Variants in GOLM1 observed in about 807,000 individuals in gnomAD.
GOLM1 encodes golgi membrane protein 1, also known as epididymis luminal protein 46.
GOLM1 carries 31 observed loss-of-function variants against 50.5 expected under a neutral mutation model. The ratio of observed to expected loss-of-function variants is 0.61; its 90% CI spans 0.46 to 0.83. The LOEUF (loss-of-function observed/expected upper bound fraction) is 0.83. Ranked by LOEUF, GOLM1 falls within the 40% of genes least tolerant of loss-of-function variation. The probability of loss-of-function intolerance (pLI) is 0.00; values close to 1 mark genes in which losing one functional copy is unlikely to be tolerated. For missense variants in GOLM1, 491 were observed against 501.3 expected (o/e 0.98, Z 0.20); for synonymous variants, 178 against 192.8 (o/e 0.92, Z 0.64).
intron 3 of GOLM1, among the ~76,000 whole-genome samples, chr9:86,057,866 A>C (rs1361910899): frequency 2.0e-5 from 3 of 152,212 alleles, no homozygotes; most frequent in African/African-American, 7.2e-5. Flanking sequence ...TCCCCTCCAG[A>C]AGGTGACTTA....
At chr9:86,030,687 C>T (rs540062492) in intron 9 of GOLM1, among the ~76,000 whole-genome samples, 2 of 152,296 alleles carry the variant, frequency 1.3e-5, no homozygotes, top group South Asian at 2.1e-4. Context: ...TGGACACTCA[C>T]TAAATTTCAA....
chr9:86,052,722 C>A, intron 3 of GOLM1, 131 bp from the exon 4 acceptor site: 1 of 705,776 alleles, frequency 1.4e-6, no homozygotes, highest in Non-Finnish European at 2.5e-6. Flanking sequence ...TCGCACTCAG[C>A]GCTCAGGCTG....
At chr9:86,028,717 C>T (rs72746681) in intron 9 of GOLM1, among the ~76,000 whole-genome samples, 1,756 of 152,232 alleles carry the variant, frequency 0.012, 13 homozygotes, top group Non-Finnish European at 0.016. Flanking sequence ...GATGCTGCCG[C>T]GGGGTTGAAA....
At chr9:86,100,131 C>T (rs568413053), upstream of GOLM1, 6 of 152,340 alleles carry the variant, frequency 3.9e-5, no homozygotes, top group South Asian at 1.2e-3. Context: ...CCACTGCTAG[C>T]AACGGAAAAA....
chr9:86,098,877 CA>C (rs1835436622), intron 1 of GOLM1, among the ~76,000 whole-genome samples: 1 of 152,142 alleles, frequency 6.6e-6, no homozygotes, highest in South Asian at 2.1e-4. Flanking sequence ...GCTCCGGGGT[CA>C]CCAGCCACGA....
chr9:86,035,660 A>G (rs766780062), intron 7 of GOLM1, 35 bp from the exon 8 acceptor site: 1 of 1,252,960 alleles, frequency 8.0e-7, no homozygotes, highest in East Asian at 2.4e-5. Flanking sequence ...TGACCTTGCC[A>G]GCATTTGATT....
chr9:86,073,698 C>T (rs924877736), intron 3 of GOLM1, among the ~76,000 whole-genome samples: 9 of 152,180 alleles, frequency 5.9e-5, no homozygotes, highest in Non-Finnish European at 1.2e-4. Context: ...ACTCAGAGGC[C>T]CAAACAAGGT....
chr9:86,085,601 G>C (rs1834934246), intron 1 of GOLM1, among the ~76,000 whole-genome samples: 2 of 151,842 alleles, frequency 1.3e-5, no homozygotes, highest in South Asian at 4.2e-4. Context: ...CCTACATTTA[G>C]TTACTTCTCC....
chr9:86,039,983 AAGTC>A (rs1400799579), intron 6 of GOLM1, among the ~76,000 whole-genome samples: 19 of 151,948 alleles, frequency 1.3e-4, no homozygotes, highest in Non-Finnish European at 2.4e-4. Context: ...AAAAAAAAAA[AAGTC>A]AGACACAAAA....
chr9:86,045,953 C>A (rs1833525431), intron 5 of GOLM1, among the ~76,000 whole-genome samples: 2 of 152,126 alleles, frequency 1.3e-5, no homozygotes, highest in Admixed American at 1.3e-4. Flanking sequence ...TGCAAACTGG[C>A]TTTTACTATC....
chr9:86,027,567 A>T lies in GOLM1; in HGVS notation c.*250T>A, dbSNP rs1297689143. 3.1e-6 allele frequency: 4 copies of T among 1,271,064 alleles called. No individual in the cohort carries two copies. The East Asian group carries it at 1.4e-4, about 44-fold the overall frequency. 78.7% of individuals were successfully genotyped at this position (1,271,064 alleles called of 1,614,324 possible). A position where few individuals can be genotyped will look rare whatever the true frequency, so the allele number is the denominator to read the frequency against. On this transcript the variant is annotated 3_prime_UTR_variant, in exon 10 of 10. Coordinates refer to ENST00000388712, the MANE Select transcript of GOLM1 (RefSeq NM_016548.4). ...GAACTATGTTCCAGTTTTGGTGTTG[A>T]ACTTCTCACGAAATACCTACTACCA... is the stretch of plus-strand genomic sequence containing the variant.
At chr9:86,053,605 CAT>C (rs1833872287) in intron 3 of GOLM1, among the ~76,000 whole-genome samples, 5 of 28,786 alleles carry the variant, frequency 1.7e-4, no homozygotes, top group African/African-American at 3.8e-4. Flanking sequence ...TCCACACACA[CAT>C]CACACACCAC....
intron 1 of GOLM1, among the ~76,000 whole-genome samples, chr9:86,088,479 G>C (rs1330702359): frequency 9.0e-6 from 1 of 111,102 alleles, no homozygotes; most frequent in East Asian, 2.8e-4. Context: ...AGGTCTTCTT[G>C]TTGCATTGAT....
chr9:86,074,416 A>G (rs1006027980), intron 3 of GOLM1, among the ~76,000 whole-genome samples: 5 of 152,174 alleles, frequency 3.3e-5, no homozygotes, highest in African/African-American at 1.2e-4. Context: ...AAAGGTAAAC[A>G]AGCTAGCATG....
intron 3 of GOLM1, among the ~76,000 whole-genome samples, chr9:86,062,249 A>G (rs937419453): frequency 3.9e-5 from 6 of 152,132 alleles, no homozygotes; most frequent in Admixed American, 3.9e-4. Context: ...CCAGCTTGGC[A>G]GAACAAGGTC....
Position 86,035,369 on chromosome 9 carries a change from T to C in GOLM1, c.1014A>G (p.Glu338=), listed in dbSNP as rs1833099575. 1 of 1,613,082 alleles carries C rather than the reference T, an allele frequency of 6.2e-7. No individual in the cohort carries two copies. The highest frequency in any genetic ancestry group is 1.1e-5 in the South Asian group (1 of 91,030). The change falls in exon 8 of 10, where the codon GAA becomes GAG. Residue 338 remains glutamate, a splice_region_variant and synonymous_variant. Coordinates refer to ENST00000388712, the MANE Select transcript of GOLM1 (RefSeq NM_016548.4). The part of the protein sequence containing the change: ...GQEEEQEAAG[E]GRNQQKLRGE... ...CGGCCCCCGAAACTTCACACCCACC[T>C]TCCCCGGCAGCTTCCTGCTCCTCCT...
chr9:86,069,382 T>C lies in GOLM1; in HGVS notation c.309+8030A>G, dbSNP rs1287701680. 3.9e-5 allele frequency among the ~76,000 whole-genome samples: 6 copies of C among 152,326 alleles called. No homozygotes were observed. In the East Asian group the frequency reaches 1.2e-3, roughly 29 times the overall value. ...CTAAGTTACATAAATTCTCATGAAC[T>C]TGCACAACTGCACTGATGCAGTCAA... On this transcript the variant is annotated intron_variant, in intron 3 of 9. Transcript: ENST00000388712.
At chr9:86,099,832 C>T (rs1318008539), upstream of GOLM1, among the ~76,000 whole-genome samples, 1 of 152,106 alleles carries the variant, frequency 6.6e-6, no homozygotes, top group African/African-American at 2.4e-5. Flanking sequence ...CGACGCGGAG[C>T]GGGGAAGCGG....
intron 6 of GOLM1, among the ~76,000 whole-genome samples, chr9:86,038,116 TGCACTCCA>T (rs1213678205): frequency 1.4e-5 from 2 of 147,028 alleles, no homozygotes; most frequent in African/African-American, 5.1e-5. Context: ...ATTGCGCCAT[TGCACTCCA>T]GCCTGGGCGA....
Sources: allele counts gnomAD v4.1 joint callset (sites outside exome capture counted in the v4.1 genomes callset), GRCh38; gene constraint gnomAD v4.1.1; transcripts MANE v1.5; gene names NCBI Gene and HGNC (gene_info 2026-07-23, HGNC 2026-07-21).